RABGAP1L: variants seen among roughly 807,000 people sequenced by gnomAD.
RABGAP1L encodes RAB GTPase activating protein 1 like.
RABGAP1L carries 63 observed loss-of-function variants against 137.7 expected under a neutral mutation model. The ratio of observed to expected loss-of-function variants is 0.46; its 90% CI spans 0.37 to 0.56. RABGAP1L has a LOEUF of 0.56. Ranked by LOEUF, RABGAP1L falls within the 20% of genes least tolerant of loss-of-function variation. The pLI is 0.00. For missense variants in RABGAP1L, 1,095 were observed against 1,244.0 expected (o/e 0.88, Z 1.80); for synonymous variants, 431 against 433.7 (o/e 0.99, Z 0.08).
intron 19 of RABGAP1L, among the ~76,000 whole-genome samples, chr1:174,841,479 C>A (rs1693392435): frequency 6.6e-6 from 1 of 151,872 alleles, no homozygotes; most frequent in Non-Finnish European, 1.5e-5. Context: ...AGGCACTTAT[C>A]TTAATGAAGA....
chr1:174,616,471 C>T (rs892415370), intron 13 of RABGAP1L, among the ~76,000 whole-genome samples: 1 of 152,166 alleles, frequency 6.6e-6, no homozygotes, highest in Non-Finnish European at 1.5e-5. Flanking sequence ...CTAGTGCCTA[C>T]TAAAGTCTCA....
At chr1:174,714,211 G>A (rs1031728817) in intron 17 of RABGAP1L, among the ~76,000 whole-genome samples, 1 of 151,802 alleles carries the variant, frequency 6.6e-6, no homozygotes, top group African/African-American at 2.4e-5. Context: ...TTTGTGCTTG[G>A]AATGAACTAC....
At chr1:174,293,627 G>T (rs1263162688) in intron 10 of RABGAP1L, among the ~76,000 whole-genome samples, 12 of 152,062 alleles carry the variant, frequency 7.9e-5, no homozygotes, top group Admixed American at 7.9e-4. Context: ...TCAAGGTAAA[G>T]AAATGAAGAG....
chr1:174,297,504 C>G (rs7555067), intron 10 of RABGAP1L, among the ~76,000 whole-genome samples: 1 of 151,912 alleles, frequency 6.6e-6, no homozygotes, highest in Non-Finnish European at 1.5e-5. Context: ...ATGAGCATTA[C>G]GGTTGGAGTT....
intron 13 of RABGAP1L, among the ~76,000 whole-genome samples, chr1:174,586,250 T>C (rs1188422579): frequency 6.6e-6 from 1 of 152,006 alleles, no homozygotes; most frequent in Admixed American, 6.6e-5. Context: ...TGGAAGCCAT[T>C]ATCCTCAGCA....
chr1:174,840,525 G>A (rs1367733771), intron 19 of RABGAP1L, among the ~76,000 whole-genome samples: 8 of 151,660 alleles, frequency 5.3e-5, no homozygotes, highest in East Asian at 1.9e-4. Context: ...AGAAGAAAGC[G>A]GGGGTGCTGG....
chr1:174,384,193 T>C (rs1246268534), intron 12 of RABGAP1L, among the ~76,000 whole-genome samples: 2 of 152,244 alleles, frequency 1.3e-5, no homozygotes, highest in East Asian at 3.8e-4. Context: ...TACTATGTTA[T>C]TCCATTTGTA....
At chr1:174,253,009 AC>A (rs1162411016) in intron 7 of RABGAP1L, among the ~76,000 whole-genome samples, 1 of 152,222 alleles carries the variant, frequency 6.6e-6, no homozygotes, top group African/African-American at 2.4e-5. Flanking sequence ...TCACAGGAAA[AC>A]TATTCAGAAA....
At chr1:174,817,605 T>G (rs1447075662) in intron 19 of RABGAP1L, among the ~76,000 whole-genome samples, 1 of 152,118 alleles carries the variant, frequency 6.6e-6, no homozygotes. Flanking sequence ...TAAACCACGG[T>G]AAGCAATTTG....
At position 174,827,978 on chromosome 1, in the gene RABGAP1L, G is replaced by T. The variant is rs77515017; in HGVS notation, c.2340+16018G>T. Among the ~76,000 whole-genome samples the T allele has an allele frequency of 4.9e-3, 729 of 148,260 alleles. 57 individuals are homozygous for T. The highest frequency in any genetic ancestry group is 0.017 in the African/African-American group (672 of 40,724). ...AAAGTCTATATTGTATTATAATAGA[G>T]TATTTTAAGCAACAACATATGTTGA... On this transcript the variant is annotated intron_variant, in intron 19 of 25. Coordinates refer to ENST00000681986, the MANE Select transcript of RABGAP1L (RefSeq NM_001366446.1).
chr1:174,978,097 G>A (rs2149381046), intron 22 of RABGAP1L, among the ~76,000 whole-genome samples: 1 of 150,862 alleles, frequency 6.6e-6, no homozygotes, highest in Non-Finnish European at 1.5e-5. Context: ...TCTTTCCTTT[G>A]TATCTGGTAG....
At chr1:174,613,169 T>G (rs1486443150) in intron 13 of RABGAP1L, among the ~76,000 whole-genome samples, 1 of 150,986 alleles carries the variant, frequency 6.6e-6, no homozygotes, top group African/African-American at 2.4e-5. Flanking sequence ...TTTTGGATCT[T>G]TCCTGCTTTC....
chr1:174,201,282 A>G (rs1668079583), intron 1 of RABGAP1L, among the ~76,000 whole-genome samples: 1 of 144,370 alleles, frequency 6.9e-6, no homozygotes, highest in South Asian at 2.2e-4. Context: ...TTTTTTTGAG[A>G]TGGAGTCTTA....
chr1:174,664,943 G>T (rs1260417381), intron 14 of RABGAP1L, among the ~76,000 whole-genome samples: 1 of 151,796 alleles, frequency 6.6e-6, no homozygotes, highest in Non-Finnish European at 1.5e-5. Context: ...CTCCATGTTG[G>T]TCAGGCTGGT....
intron 1 of RABGAP1L, among the ~76,000 whole-genome samples, chr1:174,186,748 G>A (rs900891485): frequency 6.6e-6 from 1 of 152,144 alleles, no homozygotes; most frequent in Non-Finnish European, 1.5e-5. Flanking sequence ...TTTAAAGTTA[G>A]GAGTCATAAA....
intron 7 of RABGAP1L, among the ~76,000 whole-genome samples, chr1:174,271,526 T>C (rs1434120089): frequency 6.6e-6 from 1 of 152,106 alleles, no homozygotes; most frequent in Non-Finnish European, 1.5e-5. Flanking sequence ...TGTGTGTGGG[T>C]ATGTGTTGTT....
At chr1:174,711,646 G>A (rs1358401983) in intron 17 of RABGAP1L, among the ~76,000 whole-genome samples, 2 of 152,188 alleles carry the variant, frequency 1.3e-5, no homozygotes, top group Admixed American at 6.5e-5. Flanking sequence ...GGCAGGGTTC[G>A]GGACCTGCAG....
intron 13 of RABGAP1L, among the ~76,000 whole-genome samples, chr1:174,495,215 C>A (rs1308251392): frequency 6.6e-6 from 1 of 152,148 alleles, no homozygotes; most frequent in African/African-American, 2.4e-5. Flanking sequence ...CTCATTGTTT[C>A]AGTGTAACTT....
chr1:174,634,725 C>T (rs2148330016), intron 13 of RABGAP1L, among the ~76,000 whole-genome samples: 1 of 138,860 alleles, frequency 7.2e-6, no homozygotes, highest in East Asian at 2.0e-4. Flanking sequence ...GAGTTCATGT[C>T]CTTTGTAGGG....
Sources: allele counts gnomAD v4.1 joint callset (sites outside exome capture counted in the v4.1 genomes callset), GRCh38; gene constraint gnomAD v4.1.1; transcripts MANE v1.5; gene names NCBI Gene and HGNC (gene_info 2026-07-23, HGNC 2026-07-21).